ABCC9: variants seen among roughly 807,000 people sequenced by gnomAD.
The protein encoded by ABCC9 is ATP-binding cassette sub-family C member 9.
ABCC9 carries 95 observed loss-of-function variants against 188.3 expected under a neutral mutation model. The observed-to-expected ratio is 0.50, with a 90% CI of 0.43 to 0.60. The LOEUF (loss-of-function observed/expected upper bound fraction) is 0.60, where lower values mean the gene tolerates loss of function less well. Ranked by LOEUF, ABCC9 falls within the 20% of genes least tolerant of loss-of-function variation. ABCC9 has a pLI of 0.00. For missense variants in ABCC9, 1,102 were observed against 1,876.3 expected, an observed-to-expected ratio of 0.59 and a Z score of 7.62; for synonymous variants, 659 against 652.7, an observed-to-expected ratio of 1.01 and a Z score of -0.15.
chr12:21,858,211 A>G (rs1378099999), intron 22 of ABCC9, among the ~76,000 whole-genome samples: 8 of 152,114 alleles, frequency 5.3e-5, no homozygotes, highest in Non-Finnish European at 4.4e-5. Flanking sequence ...GCAGTTCCTC[A>G]GGTTCAGTCA....
chr12:21,871,953 T>C (rs745942882), intron 18 of ABCC9, among the ~76,000 whole-genome samples: 1 of 152,214 alleles, frequency 6.6e-6, no homozygotes, highest in Non-Finnish European at 1.5e-5. Context: ...ATAAGTATAA[T>C]TTACTCTTTA....
chr12:21,802,000 G>A (rs1591916661), intron 39 of ABCC9, among the ~76,000 whole-genome samples: 1 of 152,084 alleles, frequency 6.6e-6, no homozygotes, highest in Non-Finnish European at 1.5e-5. Context: ...TTTCCATCCT[G>A]TCATCTAACT....
At chr12:21,857,248 A>G (rs375542500) in intron 22 of ABCC9, among the ~76,000 whole-genome samples, 1 of 152,188 alleles carries the variant, frequency 6.6e-6, no homozygotes, top group Admixed American at 6.5e-5. Context: ...TACATCAGGG[A>G]TTAAGAAAAG....
At position 21,917,246 on chromosome 12, in the gene ABCC9, CAT is replaced by C. The variant is rs1948635013; in HGVS notation, c.407-145_407-144del. 9.0e-6 allele frequency: 8 copies of C among 884,076 alleles called. No homozygotes were observed. The Admixed American group carries it at 1.1e-4, about 12-fold the overall frequency. 54.8% of individuals were successfully genotyped at this position (884,076 alleles called of 1,614,324 possible). On this transcript the variant is annotated intron_variant, in intron 5 of 39. Coordinates refer to ENST00000261200, the MANE Select transcript of ABCC9 (RefSeq NM_020297.4). ...ATGGTTTTACTTGGTAAGAAAACAACATATATGATTTAGTGTACTTCTGGAGT... is the reference window on the plus strand; with the variant it reads ...ATGGTTTTACTTGGTAAGAAAACAACATATGATTTAGTGTACTTCTGGAGT...
At chr12:21,904,265 A>G (rs1316752108) in intron 12 of ABCC9, among the ~76,000 whole-genome samples, 1 of 152,206 alleles carries the variant, frequency 6.6e-6, no homozygotes, top group African/African-American at 2.4e-5. Flanking sequence ...TACACCTTAT[A>G]CAAAAAATAA....
chr12:21,832,262 A>T (rs934964297), intron 30 of ABCC9, among the ~76,000 whole-genome samples: 1 of 152,212 alleles, frequency 6.6e-6, no homozygotes, highest in Non-Finnish European at 1.5e-5. Flanking sequence ...TCATTGCTTC[A>T]TGTGAGTACA....
intron 33 of ABCC9, 66 bp downstream of exon 33, chr12:21,817,121 C>T: frequency 6.5e-7 from 1 of 1,542,558 alleles, no homozygotes; most frequent in East Asian, 2.3e-5. Context: ...AACAATGTGC[C>T]CAACAAACAC....
chr12:21,873,069 G>T (rs1222859659), intron 17 of ABCC9, among the ~76,000 whole-genome samples: 1 of 151,830 alleles, frequency 6.6e-6, no homozygotes, highest in Non-Finnish European at 1.5e-5. Flanking sequence ...AAATAATTGT[G>T]ATAACTCTCT....
chr12:21,856,427 C>A (rs1592081351), intron 22 of ABCC9, among the ~76,000 whole-genome samples: 1 of 151,896 alleles, frequency 6.6e-6, no homozygotes, highest in Admixed American at 6.6e-5. Context: ...ATAGTATATT[C>A]TTTATATGGA....
chr12:21,837,814 A>C (rs1196781844), intron 30 of ABCC9, among the ~76,000 whole-genome samples: 1 of 152,218 alleles, frequency 6.6e-6, no homozygotes. Flanking sequence ...AACCAAGGTT[A>C]GAGAATTCAG....
rs760351484 is a variant in ABCC9, at chr12:21,817,248, A to T, written c.3831T>A (p.Gly1277=). 3.3e-5 allele frequency: 53 copies of T among 1,613,630 alleles called. No homozygotes were observed. The South Asian group carries it at 3.8e-4, about 12-fold the overall frequency. ...GGAAACTGTTCACCTTCTTCACTGCACCCATCTGGACCTCCAGGTCAGCCA... is the reference window on the plus strand; with the variant it reads ...GGAAACTGTTCACCTTCTTCACTGCTCCCATCTGGACCTCCAGGTCAGCCA... ...RNLADLEVQM[G]AVKKVNSFLT... Residue 1277 remains glycine, a synonymous_variant, in exon 33 of 40, where the codon GGT becomes GGA. Coordinates refer to ENST00000261200, the MANE Select transcript of ABCC9 (RefSeq NM_020297.4).
Position 21,797,596 on chromosome 12 carries a change from C to T in ABCC9, c.*3448G>A, listed in dbSNP as rs1230298559. 1 of 152,132 alleles carries T rather than the reference C, an allele frequency of 6.6e-6. No individual in the cohort carries two copies. The highest frequency in any genetic ancestry group is 2.4e-5 in the African/African-American group (1 of 41,436). The allele number at this position is 152,132 out of a possible 1,614,324, so 9.4% of individuals were successfully genotyped here. A position where few individuals can be genotyped will look rare whatever the true frequency, so the allele number is the denominator to read the frequency against. ...TAAAACTAATCAGTGAATCAATCAA[C>T]CCTACTGTGGGTTAGGCACTTGTAT... On this transcript the variant is annotated 3_prime_UTR_variant, in exon 40 of 40. Coordinates refer to ENST00000261200, the MANE Select transcript of ABCC9 (RefSeq NM_020297.4).
rs188263225 is a variant in ABCC9, at chr12:21,928,984, T to A, written c.285-2921A>T. On this transcript the variant is annotated intron_variant, in intron 4 of 39. Transcript: ENST00000261200. ...CTTTAGTCAGAACATTGGAAAGAAATTTTTAAAGTATTATATTGCAAAGGT... is the reference window on the plus strand; with the variant it reads ...CTTTAGTCAGAACATTGGAAAGAAAATTTTAAAGTATTATATTGCAAAGGT... Among the ~76,000 whole-genome samples, 21 of 152,198 alleles carry A rather than the reference T, an allele frequency of 1.4e-4. No homozygotes were observed. In the East Asian group the frequency reaches 3.9e-3, roughly 28 times the overall value.
chr12:21,917,379 C>T (rs1948643340), intron 5 of ABCC9, among the ~76,000 whole-genome samples: 1 of 152,140 alleles, frequency 6.6e-6, no homozygotes, highest in Non-Finnish European at 1.5e-5. Flanking sequence ...AAACTAGACT[C>T]TTCAAAATGT....
chr12:21,866,962 CATTT>C (rs1945812368), intron 18 of ABCC9, among the ~76,000 whole-genome samples: 1 of 151,938 alleles, frequency 6.6e-6, no homozygotes, highest in South Asian at 2.1e-4. Context: ...TAAATAAAGA[CATTT>C]ATAAGAGAAA....
At chr12:21,902,987 C>CA (rs1565466097) in intron 12 of ABCC9, among the ~76,000 whole-genome samples, 9 of 151,904 alleles carry the variant, frequency 5.9e-5, no homozygotes, top group Admixed American at 5.9e-4. Flanking sequence ...GACACACACA[C>CA]AAAAAAGAGA....
intron 30 of ABCC9, among the ~76,000 whole-genome samples, chr12:21,831,353 C>T (rs1943750476): frequency 6.6e-6 from 1 of 152,018 alleles, no homozygotes; most frequent in African/African-American, 2.4e-5. Flanking sequence ...AGATTTTCAT[C>T]CATTCATTCG....
intron 18 of ABCC9, among the ~76,000 whole-genome samples, chr12:21,871,698 G>T (rs939343953): frequency 2.0e-5 from 3 of 152,158 alleles, no homozygotes; most frequent in South Asian, 2.1e-4. Context: ...AGAATCCCTT[G>T]GTATGGGAGC....
chr12:21,925,861 C>G, intron 5 of ABCC9, 81 bp downstream of exon 5: 1 of 1,461,818 alleles, frequency 6.8e-7, no homozygotes, highest in South Asian at 1.2e-5. Context: ...ACTATTTACC[C>G]TGAGGAAAAA....
Sources: gnomAD v4.1 joint callset for allele counts (sites outside exome capture counted in the v4.1 genomes callset) on GRCh38, gnomAD v4.1.1 for gene constraint, MANE v1.5 for transcripts, NCBI Gene and HGNC (gene_info 2026-07-23, HGNC 2026-07-21) for gene names.